The following FAM193A variants were observed in gnomAD, a reference collection of about 807,000 sequenced individuals.
The protein encoded by FAM193A is family with sequence similarity 193 member A.
In FAM193A, 22 loss-of-function variants were observed where a neutral mutation model predicts 126.5. The observed-to-expected ratio is 0.17, with a 90% CI of 0.12 to 0.25. The LOEUF is 0.25. Among genes scored for constraint, FAM193A ranks in the 10% least tolerant of loss-of-function variants. The probability of loss-of-function intolerance (pLI) is 1.00; values close to 1 mark genes in which losing one functional copy is unlikely to be tolerated. For missense variants in FAM193A, 1,675 were observed against 1,672.8 expected (o/e 1.00, Z -0.02); for synonymous variants, 761 against 646.8 (o/e 1.18, Z -2.68).
chr4:2,554,839 GT>G (rs1300502809), intron 1 of FAM193A, among the ~76,000 whole-genome samples: 5 of 152,106 alleles, frequency 3.3e-5, no homozygotes, highest in Non-Finnish European at 7.4e-5. Flanking sequence ...ATCCTTGGTA[GT>G]TTGCTTGTCT....
chr4:2,700,351 C>T lies in FAM193A; in HGVS notation c.4179C>T (p.Val1393=). 6.2e-7 allele frequency: 1 copy of T among 1,613,988 alleles called. No individual in the cohort carries two copies. The highest frequency in any genetic ancestry group is 8.5e-7 in the Non-Finnish European group (1 of 1,180,020). The change falls in exon 19 of 21, where the codon GTC becomes GTT. Residue 1393 remains valine, a synonymous_variant. Coordinates refer to ENST00000637812, the MANE Select transcript of FAM193A (RefSeq NM_001366318.2). ...AGCAGAAAAGAGAGGAGAGAAAAGT[C>T]AACAGTAATAACAATAACAAAAAGC... ...ITEQKREERK[V]NSNNNNKKQL... is the part of the protein sequence containing the mutation.
At chr4:2,643,770 TG>T (rs957041271) in intron 6 of FAM193A, among the ~76,000 whole-genome samples, 2 of 152,168 alleles carry the variant, frequency 1.3e-5, no homozygotes, top group African/African-American at 2.4e-5. Context: ...GCCTGAGAAT[TG>T]GTGGTAGGAT....
Position 2,706,285 on chromosome 4 carries a change from T to G in FAM193A, c.4372+5741T>G, listed in dbSNP as rs1307128350. ...CACCTTTGTCCTACAATAAATTTCT[T>G]TCTTTCTTTTTTTTTTTTTTTTTTT... On this transcript the variant is annotated intron_variant, in intron 19 of 20. Transcript: ENST00000637812. Among the ~76,000 whole-genome samples the G allele has an allele frequency of 3.7e-5, 5 of 133,632 alleles. No homozygotes were observed. The Admixed American group carries it at 4.3e-4, about 12-fold the overall frequency. 87.7% of individuals were successfully genotyped at this position (133,632 alleles called of 152,430 possible).
chr4:2,579,290 T>A (rs1560456967), intron 1 of FAM193A, among the ~76,000 whole-genome samples: 1 of 150,840 alleles, frequency 6.6e-6, no homozygotes, highest in African/African-American at 2.4e-5. Context: ...AGGTCAGGAG[T>A]TCAAGACCAG....
chr4:2,556,017 C>T (rs1738236610), intron 1 of FAM193A, among the ~76,000 whole-genome samples: 1 of 151,912 alleles, frequency 6.6e-6, no homozygotes, highest in Admixed American at 6.6e-5. Context: ...CTGTCTCAGC[C>T]TCCCGAGTAG....
chr4:2,694,985 C>G lies in FAM193A; in HGVS notation c.3132C>G (p.Val1044=). The G allele has an allele frequency of 6.2e-7, 1 of 1,606,112 alleles. No homozygotes were observed. Among genetic ancestry groups the G allele is most frequent in the Non-Finnish European group, 8.5e-7 (1 of 1,176,782 alleles). The change falls in exon 17 of 21, where the codon GTC becomes GTG. Residue 1044 remains valine (V), a synonymous_variant. Coordinates refer to ENST00000637812, the MANE Select transcript of FAM193A (RefSeq NM_001366318.2). ...AAGGGCACCGCTGCGAGAATGGTGT[C>G]TACGACCCACAGCAGGATGATGGGG... ...DCEGHRCENG[V]YDPQQDDGDE...
At chr4:2,645,009 A>G (rs1302532440) in intron 6 of FAM193A, among the ~76,000 whole-genome samples, 1 of 147,800 alleles carries the variant, frequency 6.8e-6, no homozygotes, top group African/African-American at 2.5e-5. Context: ...TCCATTTCAA[A>G]ATATATATGT....
chr4:2,579,825 T>A (rs1246907144), intron 1 of FAM193A, among the ~76,000 whole-genome samples: 1 of 152,226 alleles, frequency 6.6e-6, no homozygotes, highest in African/African-American at 2.4e-5. Context: ...TATACACTGT[T>A]GGTGCGAGTG....
chr4:2,674,413 T>A (rs1714168663), intron 13 of FAM193A, among the ~76,000 whole-genome samples: 1 of 152,164 alleles, frequency 6.6e-6, no homozygotes, highest in South Asian at 2.1e-4. Flanking sequence ...ATTGCACAAA[T>A]TTCAGTGACA....
At chr4:2,622,609 A>G (rs138829392) in intron 2 of FAM193A, among the ~76,000 whole-genome samples, 2 of 152,228 alleles carry the variant, frequency 1.3e-5, no homozygotes, top group Non-Finnish European at 2.9e-5. Flanking sequence ...AGCTGCTTGT[A>G]AACAGCGGAC....
chr4:2,718,318 A>C (rs1020279416), intron 20 of FAM193A, among the ~76,000 whole-genome samples: 1 of 152,162 alleles, frequency 6.6e-6, no homozygotes, highest in African/African-American at 2.4e-5. Flanking sequence ...AAATAGCATA[A>C]TTAGATGGAA....
intron 2 of FAM193A, chr4:2,608,113 C>T (rs1046949189): frequency 1.4e-4 from 222 of 1,607,978 alleles, no homozygotes; most frequent in Non-Finnish European, 1.9e-4. Flanking sequence ...CCACGATCTA[C>T]TATATCTCCT....
intron 1 of FAM193A, among the ~76,000 whole-genome samples, chr4:2,568,462 G>T (rs1436027294): frequency 1.3e-5 from 2 of 152,188 alleles, no homozygotes; most frequent in Non-Finnish European, 2.9e-5. Flanking sequence ...GCAGGCTACA[G>T]TGAGCTGTGA....
intron 3 of FAM193A, among the ~76,000 whole-genome samples, chr4:2,625,719 C>CTTTTTT (rs35220520): frequency 3.8e-5 from 3 of 79,314 alleles, no homozygotes; most frequent in African/African-American, 6.2e-5. Flanking sequence ...TGGAGCTCAT[C>CTTTTTT]TTTTTTTTTT....
At chr4:2,614,725 A>G (rs1742082254) in intron 2 of FAM193A, among the ~76,000 whole-genome samples, 1 of 152,228 alleles carries the variant, frequency 6.6e-6, no homozygotes, top group African/African-American at 2.4e-5. Context: ...TCACCAGTAA[A>G]GCTGTCTTGG....
At chr4:2,566,294 A>G (rs929607675) in intron 1 of FAM193A, among the ~76,000 whole-genome samples, 33 of 152,200 alleles carry the variant, frequency 2.2e-4, no homozygotes, top group South Asian at 6.2e-4. Flanking sequence ...TGATCTGCCC[A>G]CCTTGGCCTC....
upstream of FAM193A, among the ~76,000 whole-genome samples, chr4:2,536,066 C>A (rs901498952): frequency 6.6e-6 from 1 of 152,000 alleles, no homozygotes; most frequent in African/African-American, 2.4e-5. Context: ...GGTCACCGGG[C>A]GTTCCTGGCG....
chr4:2,634,525 A>T (rs1743906746), intron 5 of FAM193A, among the ~76,000 whole-genome samples: 1 of 152,250 alleles, frequency 6.6e-6, no homozygotes. Context: ...AAAAGAATAT[A>T]GAGTAACTTT....
intron 1 of FAM193A, among the ~76,000 whole-genome samples, chr4:2,569,136 A>T (rs1469834726): frequency 6.6e-6 from 1 of 151,634 alleles, no homozygotes; most frequent in South Asian, 2.1e-4. Context: ...CACCTGGGTA[A>T]TTTTTTTGTA....
Sources: gnomAD v4.1 joint callset for allele counts (sites outside exome capture counted in the v4.1 genomes callset) on GRCh38, gnomAD v4.1.1 for gene constraint, MANE v1.5 for transcripts, NCBI Gene and HGNC (gene_info 2026-07-23, HGNC 2026-07-21) for gene names.